Variants in QKI observed in about 807,000 individuals in gnomAD.
QKI encodes the protein QKI, KH domain containing RNA binding, also known as KH domain-containing RNA-binding protein QKI.
QKI carries 10 observed loss-of-function variants against 39.0 expected under a neutral mutation model. That is an observed-to-expected ratio of 0.26 (90% CI 0.16 to 0.43). The LOEUF (loss-of-function observed/expected upper bound fraction) is 0.43, where lower values mean the gene tolerates loss of function less well. Ranked by LOEUF, QKI falls within the 20% of genes least tolerant of loss-of-function variation. The probability of loss-of-function intolerance (pLI) is 1.00; values close to 1 mark genes in which losing one functional copy is unlikely to be tolerated. For synonymous variants in QKI, 204 were observed against 155.4 expected (o/e 1.31, Z -2.33); for missense variants, 218 against 428.0 (o/e 0.51, Z 4.33).
At chr6:163,479,553 G>C (rs1792904626) in intron 3 of QKI, among the ~76,000 whole-genome samples, 2 of 152,062 alleles carry the variant, frequency 1.3e-5, no homozygotes, top group African/African-American at 4.8e-5. Flanking sequence ...TGTATTTTTA[G>C]TAGAGATGGG....
At chr6:163,469,233 A>G (rs1792006637) in intron 2 of QKI, among the ~76,000 whole-genome samples, 1 of 152,160 alleles carries the variant, frequency 6.6e-6, no homozygotes, top group Non-Finnish European at 1.5e-5. Context: ...AGGAGGGTTA[A>G]TACTTGAAAA....
intron 4 of QKI, among the ~76,000 whole-genome samples, chr6:163,555,219 G>A (rs1782509786): frequency 6.6e-6 from 1 of 151,708 alleles, no homozygotes; most frequent in Non-Finnish European, 1.5e-5. Flanking sequence ...CAAGGCTTTG[G>A]GGGTTACAAG....
intron 4 of QKI, among the ~76,000 whole-genome samples, chr6:163,553,004 C>T (rs960568705): frequency 6.6e-6 from 1 of 150,844 alleles, no homozygotes. Flanking sequence ...TGTCCCACCT[C>T]TCAAAACTAA....
Position 163,570,973 on chromosome 6 carries a change from A to G in QKI, c.*263A>G, listed in dbSNP as rs1783673057. On this transcript the variant is annotated 3_prime_UTR_variant, in exon 8 of 8. Coordinates refer to ENST00000361752, the MANE Select transcript of QKI (RefSeq NM_006775.3). ...AATAGTAGTAAAGCAATAAGGCCCAATTCATCCCACAGCACTGATCATCTT... is the reference window on the plus strand; with the variant it reads ...AATAGTAGTAAAGCAATAAGGCCCAGTTCATCCCACAGCACTGATCATCTT... 2 of 385,534 alleles carry G rather than the reference A, an allele frequency of 5.2e-6. No homozygotes were observed. The highest frequency in any genetic ancestry group is 4.6e-6 in the Non-Finnish European group (1 of 216,020). 23.9% of individuals were successfully genotyped at this position (385,534 alleles called of 1,614,324 possible).
chr6:163,560,876 A>G (rs180983530), intron 4 of QKI, among the ~76,000 whole-genome samples: 165 of 152,340 alleles, frequency 1.1e-3, no homozygotes, highest in African/African-American at 3.7e-3. Context: ...GCCAAAAACA[A>G]CTGGAACAGT....
chr6:163,420,154 CTTT>C (rs35131240), intron 1 of QKI, among the ~76,000 whole-genome samples: 6 of 60,826 alleles, frequency 9.9e-5, no homozygotes, highest in African/African-American at 2.8e-4. Flanking sequence ...CTTTTCTTTT[CTTT>C]TTTTTTTTTT....
At chr6:163,498,852 C>T (rs1212584707) in intron 3 of QKI, among the ~76,000 whole-genome samples, 4 of 151,964 alleles carry the variant, frequency 2.6e-5, no homozygotes, top group Non-Finnish European at 4.4e-5. Flanking sequence ...ATGGAGCATC[C>T]GAAATGCTTG....
At chr6:163,492,243 A>G (rs972705296) in intron 3 of QKI, among the ~76,000 whole-genome samples, 3 of 152,186 alleles carry the variant, frequency 2.0e-5, no homozygotes, top group African/African-American at 7.2e-5. Context: ...CTAGGGAGCC[A>G]TCCTATTCTA....
At chr6:163,563,872 A>C (rs188623192) in intron 6 of QKI, 153 bp downstream of exon 6, 1 of 1,434,848 alleles carries the variant, frequency 7.0e-7, no homozygotes, top group Admixed American at 3.0e-5. Flanking sequence ...TCAGCCTCTC[A>C]TAAGGGTTCC....
intron 3 of QKI, among the ~76,000 whole-genome samples, chr6:163,509,467 C>A (rs1583127833): frequency 1.6e-5 from 1 of 64,354 alleles, no homozygotes; most frequent in East Asian, 1.2e-3. Flanking sequence ...TTACATATGA[C>A]CATTTAATAA....
intron 3 of QKI, among the ~76,000 whole-genome samples, chr6:163,509,832 C>G (rs1417273981): frequency 6.6e-6 from 1 of 152,000 alleles, no homozygotes; most frequent in South Asian, 2.1e-4. Flanking sequence ...AGATAAACAC[C>G]TAATCATTCA....
rs7752945 is a variant in QKI, at chr6:163,577,278, T to G, written c.*6568T>G. 133,095 of 152,130 alleles carry G rather than the reference T, an allele frequency of 0.87. 58,565 individuals are homozygous for G. Among genetic ancestry groups the G allele is most frequent in the East Asian group, 1 (5,147 of 5,162 alleles). 9.4% of individuals were successfully genotyped at this position (152,130 alleles called of 1,614,324 possible). On this transcript the variant is annotated 3_prime_UTR_variant, in exon 8 of 8. Coordinates refer to ENST00000361752, the MANE Select transcript of QKI (RefSeq NM_006775.3). The stretch of plus-strand genomic sequence containing the variant: ...AATGCTTTGTTAAAGTAGCCCACAG[T>G]TGCAGGATCCATAGCACCGTCGTGC...
At chr6:163,563,923 T>C in intron 6 of QKI, 1 of 1,407,022 alleles carries the variant, frequency 7.1e-7, no homozygotes, top group Non-Finnish European at 9.2e-7. Flanking sequence ...CAGATCCACT[T>C]TGGTAACTGA....
chr6:163,452,066 G>A (rs997194120), intron 1 of QKI, among the ~76,000 whole-genome samples: 48 of 152,172 alleles, frequency 3.2e-4, no homozygotes, highest in African/African-American at 1.1e-3. Context: ...AGTGGATTTA[G>A]TTCATTCATT....
intron 2 of QKI, among the ~76,000 whole-genome samples, chr6:163,460,731 G>A (rs1279156414): frequency 6.6e-6 from 1 of 152,064 alleles, no homozygotes; most frequent in African/African-American, 2.4e-5. Flanking sequence ...GAAGGATCAC[G>A]AACTTCAGGA....
chr6:163,561,936 GTGGACAGTCTCAAATGCTT>G (rs748545224), intron 4 of QKI, 27 bp from the exon 5 acceptor site: 2 of 1,423,748 alleles, frequency 1.4e-6, no homozygotes, highest in Non-Finnish European at 9.8e-7. Flanking sequence ...TATTATATTT[GTGGACAGTCTCAAATGCTT>G]TCATCTCATG....
rs545732113 is a variant in QKI at position 163,465,675 on chromosome 6, A to T, written c.285+10254A>T. On this transcript the variant is annotated intron_variant, in intron 2 of 7. Transcript: ENST00000361752. ...AGACACCTAAATCATAAAGGAAGAA[A>T]TAAAATTATCTTTATTTGCAGTGGC... 3.3e-5 allele frequency among the ~76,000 whole-genome samples: 5 copies of T among 152,088 alleles called. No homozygotes were observed. In the East Asian group the frequency reaches 9.7e-4, roughly 29 times the overall value.
At chr6:163,504,629 G>A (rs34353238) in intron 3 of QKI, among the ~76,000 whole-genome samples, 9,951 of 152,166 alleles carry the variant, frequency 0.065, 482 homozygotes, top group Non-Finnish European at 0.1. Flanking sequence ...TTTGGCTGTC[G>A]TAAATGGGAT....
At chr6:163,420,670 C>A (rs569593435) in intron 1 of QKI, among the ~76,000 whole-genome samples, 98 of 152,116 alleles carry the variant, frequency 6.4e-4, no homozygotes, top group Admixed American at 1.8e-3. Flanking sequence ...TGTTGTTTAC[C>A]CTTAATGATA....
Sources: allele counts gnomAD v4.1 joint callset (sites outside exome capture counted in the v4.1 genomes callset), GRCh38; gene constraint gnomAD v4.1.1; transcripts MANE v1.5; gene names NCBI Gene and HGNC (gene_info 2026-07-23, HGNC 2026-07-21).